Variants in ASAP1 observed in about 807,000 individuals in gnomAD.
The protein encoded by ASAP1 is ArfGAP with SH3 domain, ankyrin repeat and PH domain 1.
In ASAP1, 43 loss-of-function variants were observed where a neutral mutation model predicts 145.2. The ratio of observed to expected loss-of-function variants is 0.30; its 90% confidence interval spans 0.23 to 0.38. The LOEUF (loss-of-function observed/expected upper bound fraction) is 0.38. ASAP1 is among the 10% of genes least tolerant of loss of function. ASAP1 has a pLI of 1.00. For synonymous variants in ASAP1, 546 were observed against 515.5 expected (o/e 1.06, Z -0.80); for missense variants, 1,018 against 1,355.3 (o/e 0.75, Z 3.91).
chr8:130,302,631 G>A (rs1822747589), intron 3 of ASAP1, among the ~76,000 whole-genome samples: 2 of 152,172 alleles, frequency 1.3e-5, no homozygotes, highest in Non-Finnish European at 2.9e-5. Flanking sequence ...AAGGCCAAAG[G>A]TGGCAGCCAA....
chr8:130,425,657 T>C (rs1587024959), intron 1 of ASAP1, among the ~76,000 whole-genome samples: 1 of 152,342 alleles, frequency 6.6e-6, no homozygotes. Context: ...GCACTGAAGA[T>C]GGCTCCAAAT....
intron 1 of ASAP1, among the ~76,000 whole-genome samples, chr8:130,409,080 G>C (rs958744969): frequency 6.6e-6 from 1 of 152,070 alleles, no homozygotes. Context: ...TGGCCAACAT[G>C]GTGAAACCCC....
At chr8:130,276,728 A>ACACACACACACACACTCTCTCT (rs548512902) in intron 3 of ASAP1, among the ~76,000 whole-genome samples, 45 of 87,296 alleles carry the variant, frequency 5.2e-4, no homozygotes, top group African/African-American at 1.7e-3. Context: ...ACACACACAC[A>ACACACACACACACACTCTCTCT]CTCTCTCTCT....
chr8:130,421,993 G>A (rs138247343), intron 1 of ASAP1, among the ~76,000 whole-genome samples: 1 of 152,172 alleles, frequency 6.6e-6, no homozygotes, highest in Non-Finnish European at 1.5e-5. Context: ...GGAGACAGAG[G>A]TATGAACAAA....
chr8:130,260,082 A>G (rs971434934), intron 3 of ASAP1, among the ~76,000 whole-genome samples: 1 of 152,202 alleles, frequency 6.6e-6, no homozygotes, highest in African/African-American at 2.4e-5. Flanking sequence ...CAGTTATGGG[A>G]AAAAACCCAT....
intron 14 of ASAP1, among the ~76,000 whole-genome samples, chr8:130,135,780 CT>C (rs1296646307): frequency 2.0e-5 from 3 of 152,166 alleles, no homozygotes; most frequent in African/African-American, 4.8e-5. Flanking sequence ...GGGTTTTTGG[CT>C]TTTTGAAGTC....
chr8:130,358,356 G>C lies in ASAP1; in HGVS notation c.60-213C>G, dbSNP rs1324498317. On this transcript the variant is annotated intron_variant, in intron 2 of 29. Transcript: ENST00000518721. This position sits in a 1 kb window ranked among gnomAD's most constrained non-coding sequence, Gnocchi z 4.1. The stretch of plus-strand genomic sequence containing the variant: ...CGGCGGCGCTGGCGGGGCTCGGCGC[G>C]GGGCCCTTCAAACTCCAAGCCGCGC... 2.0e-5 allele frequency among the ~76,000 whole-genome samples: 3 copies of C among 148,340 alleles called. No individual in the cohort carries two copies. Among genetic ancestry groups the C allele is most frequent in the Non-Finnish European group, 3.0e-5 (2 of 66,426 alleles).
chr8:130,410,519 G>A (rs948978190), intron 1 of ASAP1, among the ~76,000 whole-genome samples: 2 of 152,214 alleles, frequency 1.3e-5, no homozygotes, highest in Non-Finnish European at 2.9e-5. Flanking sequence ...CCCAGTCTGG[G>A]CCACCACAAA....
At chr8:130,173,114 T>C (rs1482078075) in intron 9 of ASAP1, among the ~76,000 whole-genome samples, 3 of 152,222 alleles carry the variant, frequency 2.0e-5, no homozygotes, top group African/African-American at 7.2e-5. Flanking sequence ...GAGTCAACAT[T>C]TTCTCTGGGA....
chr8:130,252,012 A>G (rs551242895), intron 3 of ASAP1, among the ~76,000 whole-genome samples: 15 of 152,312 alleles, frequency 9.8e-5, no homozygotes, highest in Non-Finnish European at 1.8e-4. Flanking sequence ...AACTGTTGCC[A>G]TTTCCTCAAT....
At chr8:130,243,077 A>T (rs1818637807) in intron 3 of ASAP1, among the ~76,000 whole-genome samples, 1 of 152,130 alleles carries the variant, frequency 6.6e-6, no homozygotes, top group Admixed American at 6.6e-5. Flanking sequence ...GTGAAAACCA[A>T]ATTGTGCATC....
chr8:130,311,761 C>T (rs529603996), intron 3 of ASAP1, among the ~76,000 whole-genome samples: 7 of 85,366 alleles, frequency 8.2e-5, no homozygotes, highest in Non-Finnish European at 1.5e-4. Flanking sequence ...AACTCCGTCT[C>T]AAAAAAAAAA....
chr8:130,120,154 C>T (rs1040944049), intron 18 of ASAP1, among the ~76,000 whole-genome samples: 2 of 152,192 alleles, frequency 1.3e-5, no homozygotes, highest in African/African-American at 2.4e-5. Context: ...CTTATGCTCA[C>T]GTGTGTCCCT....
chr8:130,354,355 TGTCG>T (rs1340586433), intron 3 of ASAP1, among the ~76,000 whole-genome samples: 11 of 152,204 alleles, frequency 7.2e-5, no homozygotes, highest in Non-Finnish European at 1.6e-4. Flanking sequence ...TCATGCCATG[TGTCG>T]ACAGCAGGCC....
chr8:130,074,223 G>T (rs2097456605), intron 27 of ASAP1, among the ~76,000 whole-genome samples: 1 of 152,036 alleles, frequency 6.6e-6, no homozygotes, highest in Non-Finnish European at 1.5e-5. Context: ...TTTTGATGTA[G>T]TAATAGAATT....
Position 130,134,335 on chromosome 8 carries a change from G to A in ASAP1, c.1178C>T (p.Thr393Ile), listed in dbSNP as rs1446319608. Residue 393 changes from threonine (T) to isoleucine (I), a missense_variant, in exon 15 of 30, where the codon ACA becomes ATA. By Grantham distance (89) the Thr-to-Ile change is moderately conservative. This residue lies in a region of ASAP1 where 153 missense variants were observed against 221.6 expected (regional missense o/e 0.69). Coordinates refer to ENST00000518721, the MANE Select transcript of ASAP1 (RefSeq NM_018482.4). Reference sequence around the variant, plus strand: ...CTCATCTTCTGCCTGAAAGTGATATGTTCTATTATCTAAAATAAAAAAAAA... The same window carrying A: ...CTCATCTTCTGCCTGAAAGTGATATATTCTATTATCTAAAATAAAAAAAAA... Reference protein sequence around the residue: ...KSFDLISHNRTYHFQAEDEQD... With the variant: ...KSFDLISHNRIYHFQAEDEQD... The A allele has an allele frequency of 1.3e-6, 2 of 1,570,256 alleles. No homozygotes were observed. Among genetic ancestry groups the A allele is most frequent in the Admixed American group, 3.7e-5 (2 of 54,164 alleles).
At chr8:130,105,123 T>C (rs1231767293) in intron 24 of ASAP1, among the ~76,000 whole-genome samples, 1 of 152,222 alleles carries the variant, frequency 6.6e-6, no homozygotes, top group African/African-American at 2.4e-5. Context: ...CAGTTGGACC[T>C]TTGTATCTGG....
At chr8:130,135,264 G>A (rs945179838) in intron 14 of ASAP1, among the ~76,000 whole-genome samples, 2 of 152,150 alleles carry the variant, frequency 1.3e-5, no homozygotes, top group East Asian at 3.8e-4. Flanking sequence ...GTTGAGGTAG[G>A]AGGACTGCTT....
chr8:130,293,175 G>A (rs990749696), intron 3 of ASAP1, among the ~76,000 whole-genome samples: 1 of 152,084 alleles, frequency 6.6e-6, no homozygotes, highest in Non-Finnish European at 1.5e-5. Flanking sequence ...TAAATATCTG[G>A]GGATCTCTTT....
Sources: gnomAD v4.1 joint callset for allele counts (sites outside exome capture counted in the v4.1 genomes callset) on GRCh38, gnomAD v4.1.1 for gene constraint, gnomAD v4.1.1 regional missense constraint, Gnocchi (gnomAD v3.1) non-coding constraint, MANE v1.5 for transcripts, NCBI Gene and HGNC (gene_info 2026-07-23, HGNC 2026-07-21) for gene names.